Variants in CNTNAP5 observed in about 807,000 individuals in gnomAD.
The protein encoded by CNTNAP5 is contactin associated protein family member 5.
CNTNAP5 carries 72 observed loss-of-function variants against 150.2 expected under a neutral mutation model. The observed-to-expected ratio is 0.48, with a 90% confidence interval of 0.40 to 0.58. CNTNAP5 has a LOEUF of 0.58. CNTNAP5 is among the 20% of genes least tolerant of loss of function. The probability of loss-of-function intolerance (pLI) is 0.00; values close to 1 mark genes in which losing one functional copy is unlikely to be tolerated. For missense variants in CNTNAP5, 1,636 were observed against 1,626.2 expected (o/e 1.01, Z -0.10); for synonymous variants, 672 against 619.8 (o/e 1.08, Z -1.25).
At chr2:124,195,552 TG>T (rs1420549951) in intron 1 of CNTNAP5, among the ~76,000 whole-genome samples, 1 of 152,186 alleles carries the variant, frequency 6.6e-6, no homozygotes, top group Non-Finnish European at 1.5e-5. Flanking sequence ...AGGCTGGGTT[TG>T]GCCCCTACTG....
chr2:124,091,690 C>T (rs1392589048), intron 1 of CNTNAP5, among the ~76,000 whole-genome samples: 2 of 152,138 alleles, frequency 1.3e-5, no homozygotes, highest in East Asian at 1.9e-4. Flanking sequence ...GGAGCTCTAA[C>T]GTTTTCCTGG....
chr2:124,416,553 C>G (rs907107174), intron 3 of CNTNAP5, among the ~76,000 whole-genome samples: 5 of 152,096 alleles, frequency 3.3e-5, no homozygotes, highest in African/African-American at 1.2e-4. Context: ...TGCATTGTCT[C>G]CCTCCTGTAA....
intron 3 of CNTNAP5, among the ~76,000 whole-genome samples, chr2:124,365,002 A>G (rs551938756): frequency 2.7e-4 from 41 of 152,298 alleles, no homozygotes; most frequent in African/African-American, 9.9e-4. Context: ...CTAAAAAACT[A>G]TTGGCCATAG....
intron 1 of CNTNAP5, among the ~76,000 whole-genome samples, chr2:124,209,002 G>A (rs1170631): frequency 0.14 from 21,239 of 152,030 alleles, 2,025 homozygotes; most frequent in East Asian, 0.35. Context: ...TTTCCATGGA[G>A]GAATACTATA....
At chr2:124,133,168 A>T (rs957748607) in intron 1 of CNTNAP5, among the ~76,000 whole-genome samples, 6 of 152,304 alleles carry the variant, frequency 3.9e-5, no homozygotes, top group Non-Finnish European at 7.4e-5. Flanking sequence ...GTTGAGATTC[A>T]GAAAGACTGA....
intron 13 of CNTNAP5, among the ~76,000 whole-genome samples, chr2:124,716,314 G>A (rs957192939): frequency 6.6e-6 from 1 of 152,010 alleles, no homozygotes; most frequent in Non-Finnish European, 1.5e-5. Flanking sequence ...GGAAGCTGAG[G>A]ACTGTTTAAA....
At chr2:124,801,030 C>G (rs993293628) in intron 19 of CNTNAP5, among the ~76,000 whole-genome samples, 6 of 152,136 alleles carry the variant, frequency 3.9e-5, no homozygotes, top group Non-Finnish European at 7.3e-5. Flanking sequence ...CTTCCCCACT[C>G]CAGCTTGGAA....
chr2:124,662,007 CCACCCCCCGATAGGCCT>C (rs1379739425), intron 13 of CNTNAP5, among the ~76,000 whole-genome samples: 3 of 152,026 alleles, frequency 2.0e-5, no homozygotes, highest in Non-Finnish European at 4.4e-5. Flanking sequence ...CCCTTGTCTC[CCACCCCCCGATAGGCCT>C]CGGTGTGTGA....
At chr2:124,894,559 C>CT (rs200027631) in intron 21 of CNTNAP5, among the ~76,000 whole-genome samples, 100 of 142,066 alleles carry the variant, frequency 7.0e-4, no homozygotes, top group East Asian at 5.1e-3. Context: ...TTTTCTTTTT[C>CT]TTTTTTTTTT....
intron 1 of CNTNAP5, among the ~76,000 whole-genome samples, chr2:124,220,883 A>G (rs1303267005): frequency 6.6e-6 from 1 of 152,112 alleles, no homozygotes. Context: ...CAAAAATTCC[A>G]ACCATGGCAA....
At chr2:124,387,124 C>T (rs1690950278) in intron 3 of CNTNAP5, among the ~76,000 whole-genome samples, 1 of 152,116 alleles carries the variant, frequency 6.6e-6, no homozygotes, top group Non-Finnish European at 1.5e-5. Context: ...TTTAAGCAAC[C>T]TAATTTATGG....
At chr2:124,458,865 T>C (rs1693182853) in intron 6 of CNTNAP5, among the ~76,000 whole-genome samples, 1 of 152,154 alleles carries the variant, frequency 6.6e-6, no homozygotes, top group Non-Finnish European at 1.5e-5. Flanking sequence ...TGCTAATCCA[T>C]GCTAAAATAT....
At chr2:124,739,958 G>A (rs1007683978) in intron 13 of CNTNAP5, among the ~76,000 whole-genome samples, 1 of 151,752 alleles carries the variant, frequency 6.6e-6, no homozygotes, top group Non-Finnish European at 1.5e-5. Flanking sequence ...TTTTAGGGTA[G>A]CAAAAGTTCA....
intron 3 of CNTNAP5, among the ~76,000 whole-genome samples, chr2:124,387,163 A>C (rs780003): frequency 0.18 from 27,924 of 152,132 alleles, 2,720 homozygotes; most frequent in East Asian, 0.28. Context: ...AGAGGTAAGA[A>C]CCCCTGCCTC....
At chr2:124,689,704 A>G (rs1337493472) in intron 13 of CNTNAP5, among the ~76,000 whole-genome samples, 1 of 152,084 alleles carries the variant, frequency 6.6e-6, no homozygotes, top group Non-Finnish European at 1.5e-5. Flanking sequence ...ATGGAATCAG[A>G]GGTGAGTCAG....
intron 4 of CNTNAP5, among the ~76,000 whole-genome samples, chr2:124,418,371 G>A (rs1490436529): frequency 1.3e-5 from 2 of 152,086 alleles, no homozygotes; most frequent in Non-Finnish European, 2.9e-5. Flanking sequence ...TGGGCTGTAG[G>A]AATTCTTAAT....
At chr2:124,041,660 C>T (rs1044516282) in intron 1 of CNTNAP5, among the ~76,000 whole-genome samples, 1 of 152,088 alleles carries the variant, frequency 6.6e-6, no homozygotes, top group South Asian at 2.1e-4. Flanking sequence ...GTTGTCACAG[C>T]TTGGGGGTTT....
chr2:124,875,472 T>A (rs1463864887), intron 21 of CNTNAP5, among the ~76,000 whole-genome samples: 1 of 152,062 alleles, frequency 6.6e-6, no homozygotes. Flanking sequence ...TCTCATGTAG[T>A]TAACCATTGT....
At chr2:124,095,396 C>T (rs1018383529) in intron 1 of CNTNAP5, among the ~76,000 whole-genome samples, 8 of 152,014 alleles carry the variant, frequency 5.3e-5, no homozygotes, top group African/African-American at 1.7e-4. Flanking sequence ...CTAATGCATG[C>T]GGGTCTTAAA....
Sources: gnomAD v4.1 joint callset for allele counts (sites outside exome capture counted in the v4.1 genomes callset) on GRCh38, gnomAD v4.1.1 for gene constraint, MANE v1.5 for transcripts, NCBI Gene and HGNC (gene_info 2026-07-23, HGNC 2026-07-21) for gene names.